Variants in CDC42BPB observed in about 807,000 individuals in gnomAD.
CDC42BPB encodes serine/threonine-protein kinase MRCK beta.
CDC42BPB carries 37 observed loss-of-function variants against 214.9 expected under a neutral mutation model. The observed-to-expected ratio is 0.17, with a 90% CI of 0.13 to 0.23. The LOEUF (loss-of-function observed/expected upper bound fraction) is 0.23, where lower values mean the gene tolerates loss of function less well. Ranked by LOEUF, CDC42BPB falls within the 10% of genes least tolerant of loss-of-function variation. The pLI, the probability that CDC42BPB is intolerant of heterozygous loss-of-function variation, is 1.00. For missense variants in CDC42BPB, 1,694 were observed against 2,227.0 expected (o/e 0.76, Z 4.82); for synonymous variants, 931 against 884.0 (o/e 1.05, Z -0.94).
chr14:103,031,805 G>A (rs1401109733), intron 1 of CDC42BPB, among the ~76,000 whole-genome samples: 1 of 152,016 alleles, frequency 6.6e-6, no homozygotes, highest in African/African-American at 2.4e-5. Flanking sequence ...AAAAGCTGAT[G>A]TACCAGAGAC....
chr14:103,050,643 G>C (rs578260853), intron 1 of CDC42BPB, among the ~76,000 whole-genome samples: 1 of 152,114 alleles, frequency 6.6e-6, no homozygotes, highest in East Asian at 1.9e-4. Flanking sequence ...TATTGTCCCA[G>C]CTATTCAGGA....
chr14:102,990,777 G>C (rs1177706819), intron 5 of CDC42BPB, among the ~76,000 whole-genome samples: 1 of 152,208 alleles, frequency 6.6e-6, no homozygotes, highest in African/African-American at 2.4e-5. Flanking sequence ...AAAAAGTGAA[G>C]AGGCACAGCG....
chr14:102,949,601 C>A (rs1440935748), intron 26 of CDC42BPB, among the ~76,000 whole-genome samples, 164 bp downstream of exon 26: 1 of 152,122 alleles, frequency 6.6e-6, no homozygotes, highest in African/African-American at 2.4e-5. Flanking sequence ...CGCATGTGAG[C>A]GCCTGAAGTC....
chr14:102,986,744 T>C (rs972918588), intron 5 of CDC42BPB, 164 bp from the exon 6 acceptor site: 2 of 985,204 alleles, frequency 2.0e-6, no homozygotes, highest in African/African-American at 1.7e-5. Flanking sequence ...GCTGGCATGG[T>C]GGCAGCCGAA....
chr14:103,030,971 G>A (rs1041939393), intron 1 of CDC42BPB, among the ~76,000 whole-genome samples: 12 of 151,960 alleles, frequency 7.9e-5, no homozygotes, highest in Non-Finnish European at 1.3e-4. Flanking sequence ...TGGGTGACAC[G>A]GTGGCACCCT....
intron 1 of CDC42BPB, among the ~76,000 whole-genome samples, chr14:103,044,366 C>CTTT (rs869225876): frequency 7.7e-5 from 10 of 129,036 alleles, no homozygotes; most frequent in Non-Finnish European, 9.8e-5. Context: ...CAGCCGGCAC[C>CTTT]TTTTTTTTTT....
At chr14:103,047,406 A>G (rs181228840) in intron 1 of CDC42BPB, among the ~76,000 whole-genome samples, 1 of 152,324 alleles carries the variant, frequency 6.6e-6, no homozygotes, top group Admixed American at 6.5e-5. Flanking sequence ...AGAGATAAAC[A>G]AGAGTTCCCT....
intron 36 of CDC42BPB, among the ~76,000 whole-genome samples, chr14:102,936,582 C>T (rs530765849): frequency 2.5e-4 from 38 of 152,242 alleles, no homozygotes; most frequent in Middle Eastern, 3.4e-3. Flanking sequence ...TACTGGCTGC[C>T]CAGGTGCTGA....
intron 1 of CDC42BPB, 118 bp downstream of exon 1, chr14:103,056,881 T>C (rs1595208305): frequency 1.8e-6 from 1 of 543,258 alleles, no homozygotes; most frequent in Admixed American, 8.6e-5. Context: ...GCCCACGAGC[T>C]GGGTGGGCAG....
intron 1 of CDC42BPB, among the ~76,000 whole-genome samples, chr14:103,048,707 CAA>C (rs576300614): frequency 1.7e-4 from 18 of 103,482 alleles, no homozygotes; most frequent in African/African-American, 2.5e-4. Flanking sequence ...GACTCCGTCT[CAA>C]AAAAAAAAAA....
rs1212596849 is a variant in CDC42BPB at position 102,938,468 on chromosome 14, G to T, written c.4828-57C>A. The T allele has an allele frequency of 6.0e-6, 9 of 1,504,438 alleles. No individual in the cohort carries two copies. The African/African-American group carries it at 1.3e-4, about 21-fold the overall frequency. 93.2% of individuals were successfully genotyped at this position (1,504,438 alleles called of 1,614,324 possible). The stretch of plus-strand genomic sequence containing the variant: ...TGGTTGACACCCGGCAGGGCCGGCT[G>T]CGAAGTTTGTGCAACCTACGGTGGC... On this transcript the variant is annotated intron_variant, in intron 34 of 36. Coordinates refer to ENST00000361246, the MANE Select transcript of CDC42BPB (RefSeq NM_006035.4).
At chr14:102,952,743 G>C (rs1892545909) in intron 23 of CDC42BPB, 140 bp from the exon 24 acceptor site, 2 of 1,458,758 alleles carry the variant, frequency 1.4e-6, no homozygotes, top group Non-Finnish European at 1.8e-6. Context: ...CTTGGTCTAC[G>C]TGTTCCCTAA....
At chr14:102,950,267 G>A (rs1478246137) in intron 25 of CDC42BPB, among the ~76,000 whole-genome samples, 199 bp downstream of exon 25, 1 of 152,244 alleles carries the variant, frequency 6.6e-6, no homozygotes, top group East Asian at 1.9e-4. Flanking sequence ...CTGCGTGGAG[G>A]CCTCAGGATG....
chr14:103,057,311 G>A lies in CDC42BPB; in HGVS notation c.-138C>T. On this transcript the variant is annotated 5_prime_UTR_variant, in exon 1 of 37. Coordinates refer to ENST00000361246, the MANE Select transcript of CDC42BPB (RefSeq NM_006035.4). Reference sequence around the variant, plus strand: ...TCCTCGCCGCCCCGTCCGCGTCGTCGCGCCCCGGCCTAGGCCGACATCTTG... The same window carrying A: ...TCCTCGCCGCCCCGTCCGCGTCGTCACGCCCCGGCCTAGGCCGACATCTTG... 2 of 1,055,962 alleles carry A rather than the reference G, an allele frequency of 1.9e-6. No homozygotes were observed. The highest frequency in any genetic ancestry group is 2.3e-6 in the Non-Finnish European group (2 of 877,834). 65.4% of individuals were successfully genotyped at this position (1,055,962 alleles called of 1,614,324 possible).
chr14:102,974,235 T>C, intron 11 of CDC42BPB, 86 bp from the exon 12 acceptor site: 6 of 1,547,284 alleles, frequency 3.9e-6, no homozygotes, highest in Non-Finnish European at 5.2e-6. Flanking sequence ...TGACAGGAAA[T>C]TATTTAATAA....
At chr14:103,045,258 T>C (rs1049172076) in intron 1 of CDC42BPB, among the ~76,000 whole-genome samples, 2 of 152,198 alleles carry the variant, frequency 1.3e-5, no homozygotes, top group African/African-American at 4.8e-5. Context: ...TTTTAGAGAA[T>C]GATGAGGGGC....
chr14:102,962,639 C>T (rs539970140), intron 20 of CDC42BPB, among the ~76,000 whole-genome samples: 1 of 152,328 alleles, frequency 6.6e-6, no homozygotes, highest in South Asian at 2.1e-4. Context: ...TGCCTGAGGT[C>T]AGGAGTTGCA....
At chr14:102,992,566 C>A (rs1894542485) in intron 5 of CDC42BPB, among the ~76,000 whole-genome samples, 2 of 152,256 alleles carry the variant, frequency 1.3e-5, no homozygotes, top group South Asian at 4.1e-4. Flanking sequence ...AATGCCAGCA[C>A]CTGTGCTCAC....
chr14:102,938,313 G>A lies in CDC42BPB; in HGVS notation c.4926C>T (p.Pro1642=), dbSNP rs1404959977. 2.5e-6 allele frequency: 4 copies of A among 1,608,362 alleles called. No homozygotes were observed. Among genetic ancestry groups the A allele is most frequent in the Admixed American group, 1.7e-5 (1 of 59,294 alleles). The change falls in exon 35 of 37, where the codon CCC becomes CCT. Residue 1642 remains proline (P), a synonymous_variant. Coordinates refer to ENST00000361246, the MANE Select transcript of CDC42BPB (RefSeq NM_006035.4). ...GCCAGGCTTCCCCTGTACCTGATGA[G>A]GGCCACGAGATGTAGGGCTTGTTCC... The part of the protein sequence containing the change: ...PSRNKPYISW[P]SSGGSEPSVT...
Sources: gnomAD v4.1 joint callset for allele counts (sites outside exome capture counted in the v4.1 genomes callset) on GRCh38, gnomAD v4.1.1 for gene constraint, MANE v1.5 for transcripts, NCBI Gene and HGNC (gene_info 2026-07-23, HGNC 2026-07-21) for gene names.